The following GABRB2 variants were observed in gnomAD, a reference collection of about 807,000 sequenced individuals.
GABRB2 encodes gamma-aminobutyric acid receptor subunit beta-2.
Under a neutral mutation model 54.7 loss-of-function variants are expected in GABRB2, and 16 were observed. The ratio of observed to expected loss-of-function variants is 0.29; its 90% CI spans 0.20 to 0.44. The LOEUF (loss-of-function observed/expected upper bound fraction) is 0.44, where lower values mean the gene tolerates loss of function less well. GABRB2 is among the 20% of genes least tolerant of loss of function. GABRB2 has a pLI of 1.00. For missense variants in GABRB2, 355 were observed against 644.0 expected (o/e 0.55, Z 4.86); for synonymous variants, 244 against 233.8 (o/e 1.04, Z -0.40).
chr5:161,413,077 T>G (rs1756568343), intron 4 of GABRB2, among the ~76,000 whole-genome samples: 1 of 152,160 alleles, frequency 6.6e-6, no homozygotes, highest in African/African-American at 2.4e-5. Flanking sequence ...TATTTATGTT[T>G]TATAAGAATC....
At chr5:161,438,503 T>C (rs897577799) in intron 4 of GABRB2, among the ~76,000 whole-genome samples, 1 of 152,020 alleles carries the variant, frequency 6.6e-6, no homozygotes, top group African/African-American at 2.4e-5. Flanking sequence ...AGAACATCTA[T>C]TGGCATGAAC....
At chr5:161,356,240 T>C (rs751965114) in intron 5 of GABRB2, among the ~76,000 whole-genome samples, 1 of 152,200 alleles carries the variant, frequency 6.6e-6, no homozygotes, top group East Asian at 1.9e-4. Context: ...AGATATATTG[T>C]AGTAAGAAAC....
chr5:161,495,533 C>A (rs555927639), intron 3 of GABRB2, among the ~76,000 whole-genome samples: 2 of 151,748 alleles, frequency 1.3e-5, no homozygotes, highest in South Asian at 4.2e-4. Context: ...CCCAAATTAT[C>A]CTGATAGTTC....
At chr5:161,428,584 A>T (rs559674262) in intron 4 of GABRB2, among the ~76,000 whole-genome samples, 1 of 152,278 alleles carries the variant, frequency 6.6e-6, no homozygotes, top group Non-Finnish European at 1.5e-5. Flanking sequence ...CAAGTTTATT[A>T]TAGTGTCGTC....
intron 3 of GABRB2, among the ~76,000 whole-genome samples, chr5:161,535,610 T>C (rs1760607901): frequency 6.6e-6 from 1 of 152,206 alleles, no homozygotes; most frequent in Admixed American, 6.5e-5. Flanking sequence ...GAACAAATCA[T>C]TTAACCTCTC....
At chr5:161,472,535 A>C (rs1758473926) in intron 3 of GABRB2, among the ~76,000 whole-genome samples, 1 of 151,684 alleles carries the variant, frequency 6.6e-6, no homozygotes, top group Non-Finnish European at 1.5e-5. Context: ...GGGGGTGGGG[A>C]GATGAATGTC....
At chr5:161,395,100 G>C (rs1219575067) in intron 5 of GABRB2, among the ~76,000 whole-genome samples, 1 of 152,114 alleles carries the variant, frequency 6.6e-6, no homozygotes, top group African/African-American at 2.4e-5. Flanking sequence ...TAATGAAGAA[G>C]AAAGGATATG....
At chr5:161,334,551 T>C (rs902732662) in intron 7 of GABRB2, among the ~76,000 whole-genome samples, 8 of 152,218 alleles carry the variant, frequency 5.3e-5, no homozygotes, top group African/African-American at 1.9e-4. Context: ...TAACTAATAC[T>C]GACATGAAAG....
intron 5 of GABRB2, among the ~76,000 whole-genome samples, chr5:161,375,195 T>G (rs1755255801): frequency 6.6e-6 from 1 of 152,150 alleles, no homozygotes; most frequent in African/African-American, 2.4e-5. Flanking sequence ...ATTTACCAAA[T>G]GAATGACTTG....
At chr5:161,388,271 CA>C (rs1351100491) in intron 5 of GABRB2, among the ~76,000 whole-genome samples, 4 of 152,038 alleles carry the variant, frequency 2.6e-5, no homozygotes, top group African/African-American at 9.7e-5. Flanking sequence ...AAAGATTCAG[CA>C]GAAAAGATAC....
At chr5:161,478,707 T>C (rs990562961) in intron 3 of GABRB2, among the ~76,000 whole-genome samples, 7 of 152,016 alleles carry the variant, frequency 4.6e-5, no homozygotes, top group African/African-American at 7.2e-5. Context: ...TACTACATCA[T>C]ACAATGTGCC....
intron 5 of GABRB2, among the ~76,000 whole-genome samples, chr5:161,371,350 A>C (rs901145233): frequency 6.6e-6 from 1 of 152,208 alleles, no homozygotes; most frequent in African/African-American, 2.4e-5. Flanking sequence ...GTATATCTGT[A>C]TGCATGCATC....
intron 5 of GABRB2, among the ~76,000 whole-genome samples, chr5:161,382,753 T>C (rs1179812629): frequency 6.6e-6 from 1 of 152,192 alleles, no homozygotes; most frequent in Non-Finnish European, 1.5e-5. Flanking sequence ...TGGCAGCATA[T>C]GGCTCAATTC....
At chr5:161,489,482 G>C (rs1294026465) in intron 3 of GABRB2, among the ~76,000 whole-genome samples, 4 of 151,660 alleles carry the variant, frequency 2.6e-5, no homozygotes, top group Admixed American at 2.6e-4. Context: ...GACAAACAGA[G>C]TAGATAAATT....
chr5:161,361,238 A>T (rs958704043), intron 5 of GABRB2, among the ~76,000 whole-genome samples: 4 of 152,106 alleles, frequency 2.6e-5, no homozygotes, highest in African/African-American at 9.6e-5. Flanking sequence ...ATATCTAAAT[A>T]TATAGGAACA....
At chr5:161,480,165 C>A (rs1373694563) in intron 3 of GABRB2, among the ~76,000 whole-genome samples, 1 of 151,832 alleles carries the variant, frequency 6.6e-6, no homozygotes, top group Non-Finnish European at 1.5e-5. Context: ...ATGACACAGC[C>A]CCCAAAATGG....
At chr5:161,340,187 C>G (rs1442941970) in intron 5 of GABRB2, among the ~76,000 whole-genome samples, 1 of 151,898 alleles carries the variant, frequency 6.6e-6, no homozygotes, top group Non-Finnish European at 1.5e-5. Context: ...GCATTTCAAC[C>G]AGGTTATATA....
chr5:161,525,393 G>C (rs1263493378), intron 3 of GABRB2, among the ~76,000 whole-genome samples: 3 of 151,128 alleles, frequency 2.0e-5, no homozygotes, highest in African/African-American at 2.4e-5. Context: ...TAAATATATA[G>C]ACCATTAAGA....
At chr5:161,474,184 C>G (rs1190513446) in intron 3 of GABRB2, among the ~76,000 whole-genome samples, 1 of 151,948 alleles carries the variant, frequency 6.6e-6, no homozygotes, top group African/African-American at 2.4e-5. Context: ...CTTATCAGAG[C>G]TTGGGGAAGA....
Sources: gnomAD v4.1 joint callset for allele counts (sites outside exome capture counted in the v4.1 genomes callset) on GRCh38, gnomAD v4.1.1 for gene constraint, MANE v1.5 for transcripts, NCBI Gene and HGNC (gene_info 2026-07-23, HGNC 2026-07-21) for gene names.